SAMTOR: variants seen among roughly 807,000 people sequenced by gnomAD.
SAMTOR encodes S-adenosylmethionine sensor upstream of mTORC1.
At chr7:112,854,478 G>A in the SAMTOR span, among the ~76,000 whole-genome samples, 1 of 152,084 alleles carries the variant, frequency 6.6e-6, no homozygotes, top group Non-Finnish European at 1.5e-5. Context: ...AAGAAAAGAA[G>A]GGAACCAGAT....
chr7:112,835,250 A>C, the SAMTOR span, among the ~76,000 whole-genome samples: 2 of 152,096 alleles, frequency 1.3e-5, no homozygotes, highest in African/African-American at 2.4e-5. Context: ...CAGGTACATA[A>C]GTTCCTAATC....
At chr7:112,820,203 C>T in the SAMTOR span, 1 of 152,414 alleles carries the variant, frequency 6.6e-6, no homozygotes, top group Non-Finnish European at 1.5e-5. Context: ...GGTACATACA[C>T]TCAACCATTT....
chr7:112,849,803 A>G, the SAMTOR span, among the ~76,000 whole-genome samples: 1 of 152,206 alleles, frequency 6.6e-6, no homozygotes, highest in African/African-American at 2.4e-5. Context: ...GGGTTTTATG[A>G]AAGAATGCTG....
At chr7:112,918,401 A>C in the SAMTOR span, among the ~76,000 whole-genome samples, 1 of 152,200 alleles carries the variant, frequency 6.6e-6, no homozygotes, top group Non-Finnish European at 1.5e-5. Flanking sequence ...AAATGCTGAG[A>C]GATTTTGTCA....
At chr7:112,861,249 A>C in the SAMTOR span, among the ~76,000 whole-genome samples, 2 of 152,176 alleles carry the variant, frequency 1.3e-5, no homozygotes, top group African/African-American at 4.8e-5. Flanking sequence ...GTGGTAGGAC[A>C]TGTTTCTTTA....
chr7:112,839,889 C>T, the SAMTOR span, among the ~76,000 whole-genome samples: 1 of 151,724 alleles, frequency 6.6e-6, no homozygotes, highest in Non-Finnish European at 1.5e-5. Flanking sequence ...TCTCCTTTAT[C>T]TCTAGCAATG....
the SAMTOR span, among the ~76,000 whole-genome samples, chr7:112,922,952 C>T: frequency 2.7e-5 from 4 of 149,784 alleles, no homozygotes; most frequent in Admixed American, 2.0e-4. Flanking sequence ...CCCCTCTGCC[C>T]GGCCACCACC....
the SAMTOR span, chr7:112,895,630 A>C: frequency 2.5e-6 from 4 of 1,588,106 alleles, no homozygotes; most frequent in Non-Finnish European, 2.6e-6. Flanking sequence ...AGTTGAGAAG[A>C]CTCATGCATA....
the SAMTOR span, among the ~76,000 whole-genome samples, chr7:112,890,825 GGACCACAGGCACA>G: frequency 6.6e-6 from 1 of 151,782 alleles, no homozygotes; most frequent in Non-Finnish European, 1.5e-5. Flanking sequence ...CGAGTAGCTA[GGACCACAGGCACA>G]TGCCACTACA....
the SAMTOR span, among the ~76,000 whole-genome samples, chr7:112,925,412 A>C: frequency 3.5e-4 from 54 of 152,346 alleles, no homozygotes; most frequent in African/African-American, 1.3e-3. Context: ...CATTCAAACA[A>C]AAGTTCTATG....
At chr7:112,838,061 C>T in the SAMTOR span, among the ~76,000 whole-genome samples, 31 of 151,942 alleles carry the variant, frequency 2.0e-4, no homozygotes, top group African/African-American at 7.0e-4. Flanking sequence ...ACAAAAAGCA[C>T]AAACAAAAAA....
At chr7:112,926,206 T>C in the SAMTOR span, among the ~76,000 whole-genome samples, 1 of 152,166 alleles carries the variant, frequency 6.6e-6, no homozygotes, top group Non-Finnish European at 1.5e-5. Flanking sequence ...GCTCAAAGTG[T>C]CTATCTACCA....
At chr7:112,936,978 A>G in the SAMTOR span, among the ~76,000 whole-genome samples, 40 of 152,298 alleles carry the variant, frequency 2.6e-4, no homozygotes, top group African/African-American at 9.6e-4. Flanking sequence ...TTCCCATAAA[A>G]TATGTATAGT....
the SAMTOR span, among the ~76,000 whole-genome samples, chr7:112,930,271 C>T: frequency 5.6e-4 from 85 of 152,182 alleles, 3 homozygotes; most frequent in East Asian, 0.012. Context: ...AGCCATACAA[C>T]GACCAGTCTT....
At chr7:112,919,634 C>G in the SAMTOR span, among the ~76,000 whole-genome samples, 3 of 152,084 alleles carry the variant, frequency 2.0e-5, no homozygotes, top group South Asian at 6.2e-4. Context: ...CACAAAAAAC[C>G]CTTCAAAAAA....
chr7:112,870,785 T>C, the SAMTOR span, among the ~76,000 whole-genome samples: 7 of 151,038 alleles, frequency 4.6e-5, no homozygotes, highest in Non-Finnish European at 8.8e-5. Flanking sequence ...CTTCTGTCTT[T>C]GAGAGACCCA....
At chr7:112,858,362 A>T in the SAMTOR span, among the ~76,000 whole-genome samples, 1 of 151,716 alleles carries the variant, frequency 6.6e-6, no homozygotes, top group Non-Finnish European at 1.5e-5. Context: ...CACTAGATAC[A>T]GAATGTTTAC....
At chr7:112,825,971 C>T in the SAMTOR span, among the ~76,000 whole-genome samples, 9 of 151,572 alleles carry the variant, frequency 5.9e-5, no homozygotes, top group East Asian at 5.8e-4. Context: ...TGAGTTCATA[C>T]GATAGATTGT....
the SAMTOR span, among the ~76,000 whole-genome samples, chr7:112,841,952 T>G: frequency 6.6e-6 from 1 of 152,130 alleles, no homozygotes; most frequent in Non-Finnish European, 1.5e-5. Context: ...GACTTAAACT[T>G]AAGACCTAAA....
Sources: allele counts gnomAD v4.1 joint callset (sites outside exome capture counted in the v4.1 genomes callset), GRCh38; gene constraint gnomAD v4.1.1; transcripts MANE v1.5; gene names NCBI Gene and HGNC (gene_info 2026-07-23, HGNC 2026-07-21).